TTLL5: variants seen among roughly 807,000 people sequenced by gnomAD.
TTLL5 encodes the protein tubulin polyglutamylase TTLL5.
TTLL5 carries 132 observed loss-of-function variants against 168.4 expected under a neutral mutation model. That is an observed-to-expected ratio of 0.78 (90% confidence interval 0.68 to 0.91). TTLL5 has a LOEUF of 0.91. TTLL5 is among the 40% of genes least tolerant of loss of function. The pLI is 0.00. For missense variants in TTLL5, 1,545 were observed against 1,581.5 expected, an observed-to-expected ratio of 0.98 and a Z score of 0.39; for synonymous variants, 546 against 558.6, an observed-to-expected ratio of 0.98 and a Z score of 0.32.
At chr14:75,904,282 C>T in intron 31 of TTLL5, 1 of 1,093,978 alleles carries the variant, frequency 9.1e-7, no homozygotes, top group Non-Finnish European at 1.1e-6. Context: ...AAACCTTCAC[C>T]TGGGATTGTT....
chr14:75,934,432 A>G (rs561303350), intron 31 of TTLL5, among the ~76,000 whole-genome samples: 1 of 152,362 alleles, frequency 6.6e-6, no homozygotes, highest in African/African-American at 2.4e-5. Context: ...AACTTAATCT[A>G]TAAGCTATAC....
At chr14:75,819,304 C>G (rs1244492402) in intron 27 of TTLL5, among the ~76,000 whole-genome samples, 3 of 152,114 alleles carry the variant, frequency 2.0e-5, no homozygotes, top group Non-Finnish European at 4.4e-5. Context: ...AAGATTCTAC[C>G]AATTTATAGT....
intron 18 of TTLL5, among the ~76,000 whole-genome samples, chr14:75,754,500 T>G: frequency 6.6e-6 from 1 of 152,318 alleles, no homozygotes; most frequent in Middle Eastern, 3.4e-3. Flanking sequence ...CACTTGAGGC[T>G]GGATCTTTCT....
chr14:75,922,446 T>A, intron 31 of TTLL5, among the ~76,000 whole-genome samples: 1 of 152,122 alleles, frequency 6.6e-6, no homozygotes, highest in East Asian at 1.9e-4. Flanking sequence ...CATGAAGGGC[T>A]GTTGAATTTT....
intron 3 of TTLL5, among the ~76,000 whole-genome samples, chr14:75,669,930 T>A (rs1032215924): frequency 2.0e-5 from 3 of 152,182 alleles, no homozygotes; most frequent in African/African-American, 7.2e-5. Context: ...ATACCACCAG[T>A]CCCTGGCAAC....
chr14:75,707,526 G>A lies in TTLL5; in HGVS notation c.656-97G>A. 7.7e-6 allele frequency: 8 copies of A among 1,036,470 alleles called. No individual in the cohort carries two copies. In the South Asian group the frequency reaches 1.1e-4, roughly 14 times the overall value. The allele number at this position is 1,036,470 out of a possible 1,614,324, so 64.2% of individuals were successfully genotyped here. On this transcript the variant is annotated intron_variant, in intron 8 of 31. Transcript: ENST00000298832. ...TGTGTTTCATGTGGAGTGTAGGAAT[G>A]TTCTTTCTTTCATGTTTCTTGGTTT...
chr14:75,683,425 T>C (rs1252704771), intron 4 of TTLL5, 125 bp from the exon 5 acceptor site: 1 of 704,636 alleles, frequency 1.4e-6, no homozygotes, highest in Non-Finnish European at 2.4e-6. Flanking sequence ...CACGTACTAA[T>C]TGGGCCACCC....
At chr14:75,785,136 G>C (rs1165733878) in intron 26 of TTLL5, among the ~76,000 whole-genome samples, 4 of 148,310 alleles carry the variant, frequency 2.7e-5, no homozygotes, top group African/African-American at 7.4e-5. Context: ...TATCATGTCT[G>C]GAATACTGTT....
intron 21 of TTLL5, among the ~76,000 whole-genome samples, chr14:75,774,710 A>G (rs1891613984): frequency 6.6e-6 from 1 of 151,856 alleles, no homozygotes; most frequent in Non-Finnish European, 1.5e-5. Flanking sequence ...CTTTTTTGAA[A>G]TGGAATCTTG....
intron 18 of TTLL5, among the ~76,000 whole-genome samples, chr14:75,763,560 A>G (rs1187214681): frequency 6.6e-6 from 1 of 152,188 alleles, no homozygotes; most frequent in Non-Finnish European, 1.5e-5. Context: ...CAAAGGGAAC[A>G]CACTTTGAGT....
rs115043726 is a variant in TTLL5, at chr14:75,944,582, G to A, written c.3824-9842G>A. ...TTTTCCCCAAAGAATTGGGATCTTGGACTCTTGAGTCAGGAAAGGTTACAG... is the reference window on the plus strand; with the variant it reads ...TTTTCCCCAAAGAATTGGGATCTTGAACTCTTGAGTCAGGAAAGGTTACAG... On this transcript the variant is annotated intron_variant, in intron 31 of 31. Coordinates refer to ENST00000298832, the MANE Select transcript of TTLL5 (RefSeq NM_015072.5). Among the ~76,000 whole-genome samples the A allele has an allele frequency of 5.6e-3, 851 of 152,288 alleles. 14 individuals carry two copies. Among genetic ancestry groups the A allele is most frequent in the South Asian group, 0.027 (129 of 4,820 alleles).
chr14:75,863,327 G>A (rs928845160), intron 28 of TTLL5, among the ~76,000 whole-genome samples: 2 of 152,186 alleles, frequency 1.3e-5, no homozygotes, highest in Admixed American at 1.3e-4. Context: ...TCCTGCATTG[G>A]AAGCTCTCTG....
intron 31 of TTLL5, chr14:75,906,494 G>C (rs2033153061): frequency 1.0e-6 from 1 of 984,014 alleles, no homozygotes. Flanking sequence ...ATTTTACCTT[G>C]TGTCCTTTGG....
intron 14 of TTLL5, 69 bp downstream of exon 14, chr14:75,734,119 C>A: frequency 6.6e-7 from 1 of 1,524,038 alleles, no homozygotes; most frequent in Non-Finnish European, 9.1e-7. Flanking sequence ...TATCAGACTC[C>A]ATAGGTTTTG....
intron 28 of TTLL5, chr14:75,838,069 TTG>T (rs1555350295): frequency 1.3e-5 from 2 of 152,252 alleles, no homozygotes; most frequent in Non-Finnish European, 2.9e-5. Context: ...AGTATGTTAA[TTG>T]TGTTTTTTTA....
At chr14:75,788,360 A>G (rs1263162375) in intron 26 of TTLL5, among the ~76,000 whole-genome samples, 1 of 152,130 alleles carries the variant, frequency 6.6e-6, no homozygotes, top group Non-Finnish European at 1.5e-5. Flanking sequence ...AATAAAATGG[A>G]CAAACCTCTG....
intron 5 of TTLL5, among the ~76,000 whole-genome samples, chr14:75,687,288 TG>T (rs1885134513): frequency 6.6e-6 from 1 of 151,858 alleles, no homozygotes; most frequent in South Asian, 2.1e-4. Context: ...TTGGTTTTTT[TG>T]TGGGGGGACA....
chr14:75,696,885 A>G (rs747928463), intron 6 of TTLL5, among the ~76,000 whole-genome samples: 2 of 152,162 alleles, frequency 1.3e-5, no homozygotes, highest in African/African-American at 4.8e-5. Flanking sequence ...AGATCATTCC[A>G]TATCAGTTCA....
chr14:75,717,007 T>A (rs1251515023), intron 9 of TTLL5, among the ~76,000 whole-genome samples: 1 of 152,182 alleles, frequency 6.6e-6, no homozygotes, highest in African/African-American at 2.4e-5. Context: ...TTTAAATGAG[T>A]ATTATGGATC....
Sources: allele counts gnomAD v4.1 joint callset (sites outside exome capture counted in the v4.1 genomes callset), GRCh38; gene constraint gnomAD v4.1.1; transcripts MANE v1.5; gene names NCBI Gene and HGNC (gene_info 2026-07-23, HGNC 2026-07-21).